The following LDB1 variants were observed in gnomAD, a reference collection of about 807,000 sequenced individuals.
LDB1 encodes LIM domain-binding protein 1.
LDB1 carries 6 observed loss-of-function variants against 49.7 expected under a neutral mutation model. The ratio of observed to expected loss-of-function variants is 0.12; its 90% CI spans 0.07 to 0.24. The LOEUF (loss-of-function observed/expected upper bound fraction) is 0.24. Ranked by LOEUF, LDB1 falls within the 10% of genes least tolerant of loss-of-function variation. LDB1 has a pLI of 1.00. For missense variants in LDB1, 341 were observed against 561.7 expected, an observed-to-expected ratio of 0.61 and a Z score of 3.97; for synonymous variants, 233 against 202.0, an observed-to-expected ratio of 1.15 and a Z score of -1.30.
intron 2 of LDB1, 28 bp downstream of exon 2, chr10:102,111,406 T>A: frequency 6.3e-7 from 1 of 1,598,564 alleles, no homozygotes; most frequent in Non-Finnish European, 8.6e-7. Flanking sequence ...TGGAGAAGGG[T>A]TAGGAAGTGG....
upstream of LDB1, chr10:102,120,501 C>A (rs2133541591): frequency 4.0e-6 from 2 of 498,646 alleles, no homozygotes; most frequent in East Asian, 1.5e-4. Flanking sequence ...CCAAGCCGGG[C>A]AGGGCCGGGC....
Position 102,113,760 on chromosome 10 carries a change from A to T in LDB1, c.26-2224T>A, listed in dbSNP as rs774013159. On this transcript the variant is annotated intron_variant, in intron 1 of 10. Transcript: ENST00000673968. ...CGCCTGGGTTTCTCTCCAATTTTGT[A>T]AAAAAAAAAAAAAAAAAACTCTCAG... 5.5e-3 allele frequency among the ~76,000 whole-genome samples: 408 copies of T among 74,800 alleles called. 3 individuals carry two copies. Among genetic ancestry groups the T allele is most frequent in the Non-Finnish European group, 8.2e-3 (319 of 38,806 alleles). The allele number at this position is 74,800 out of a possible 152,430, so 49.1% of individuals were successfully genotyped here. A position where few individuals can be genotyped will look rare whatever the true frequency, so the allele number is the denominator to read the frequency against.
intron 10 of LDB1, 82 bp downstream of exon 10, chr10:102,108,947 T>C (rs1446958733): frequency 9.5e-6 from 15 of 1,571,884 alleles, no homozygotes; most frequent in Non-Finnish European, 1.2e-5. Context: ...CTTCTACGCC[T>C]GCTAGTGAGC....
intron 1 of LDB1, chr10:102,114,812 G>GGGGCCCCCCCCCCCCCCCC: frequency 1.1e-4 from 100 of 929,776 alleles, no homozygotes; most frequent in South Asian, 1.5e-4. Context: ...CCTCCGAGCA[G>GGGGCCCCCCCCCCCCCCCC]CCCGCCCGCC....
chr10:102,110,440 C>T, intron 6 of LDB1, 89 bp downstream of exon 6: 1 of 1,364,878 alleles, frequency 7.3e-7, no homozygotes, highest in Non-Finnish European at 1.0e-6. Context: ...TTATGCCTCC[C>T]TGGGGAACAG....
At chr10:102,114,674 C>T in intron 1 of LDB1, 1 of 699,628 alleles carries the variant, frequency 1.4e-6, no homozygotes, top group Non-Finnish European at 1.8e-6. Flanking sequence ...GCCTGGGGGG[C>T]GGGGGGCCGC....
downstream of LDB1, among the ~76,000 whole-genome samples, chr10:102,103,158 T>G (rs2068131787): frequency 6.6e-6 from 1 of 151,998 alleles, no homozygotes. Context: ...GCCTCCCGAG[T>G]AGCTGGGACT....
upstream of LDB1, among the ~76,000 whole-genome samples, chr10:102,120,786 T>TGAGCCG (rs543137627): frequency 4.1e-4 from 63 of 152,210 alleles, 1 homozygote; most frequent in South Asian, 0.013. Flanking sequence ...GGAGTCTGGC[T>TGAGCCG]GAGCCGGAGC....
intron 6 of LDB1, 29 bp from the exon 7 acceptor site, chr10:102,110,072 C>T (rs2068228924): frequency 1.2e-6 from 2 of 1,603,804 alleles, no homozygotes; most frequent in South Asian, 2.2e-5. Flanking sequence ...GAACCCTGCC[C>T]CCTCCCCACA....
intron 1 of LDB1, among the ~76,000 whole-genome samples, chr10:102,119,018 T>A (rs919126409): frequency 1.3e-5 from 2 of 152,088 alleles, no homozygotes; most frequent in East Asian, 3.8e-4. Context: ...TTGGCCTGGG[T>A]CACATGATTT....
chr10:102,111,574 G>A, intron 1 of LDB1, 38 bp from the exon 2 acceptor site: 1 of 1,274,674 alleles, frequency 7.8e-7, no homozygotes. Context: ...TGGGCGCGGT[G>A]GCTCACATCT....
intron 1 of LDB1, chr10:102,114,807 G>A (rs1472633193): frequency 3.1e-6 from 3 of 970,746 alleles, no homozygotes; most frequent in East Asian, 1.1e-4. Context: ...CTCTGCCTCC[G>A]AGCAGCCCGC....
Position 102,109,771 on chromosome 10 carries a change from T to A in LDB1, c.649-88A>T. ...TATCATCTGAGCATTGTGACACTCCTGAGAGAGGATAGTCTCTTATTAAAC... is the reference window on the plus strand; with the variant it reads ...TATCATCTGAGCATTGTGACACTCCAGAGAGAGGATAGTCTCTTATTAAAC... On this transcript the variant is annotated intron_variant, in intron 7 of 10. Transcript: ENST00000673968. The surrounding 1 kb of genome is among the most constrained non-coding windows in gnomAD (Gnocchi z 5.8). 1 of 1,543,012 alleles carries A rather than the reference T, an allele frequency of 6.5e-7. No individual in the cohort carries two copies.
chr10:102,111,362 G>A, intron 2 of LDB1, 62 bp from the exon 3 acceptor site: 2 of 1,596,812 alleles, frequency 1.3e-6, no homozygotes, highest in Non-Finnish European at 1.7e-6. Context: ...GGGGCAGGGG[G>A]CTACTCCCTC....
Position 102,110,859 on chromosome 10 carries a change from G to A in LDB1, c.352+10C>T, listed in dbSNP as rs2133509579. On this transcript the variant is annotated intron_variant, in intron 5 of 10. Transcript: ENST00000673968. ...TACACCCTCATAGCAAGACCCCAGAGGCCACTTACTATATCTCTTTGGTCC... is the reference window on the plus strand; with the variant it reads ...TACACCCTCATAGCAAGACCCCAGAAGCCACTTACTATATCTCTTTGGTCC... 6.2e-7 allele frequency: 1 copy of A among 1,611,168 alleles called. No homozygotes were observed. Among genetic ancestry groups the A allele is most frequent in the Non-Finnish European group, 8.5e-7 (1 of 1,177,400 alleles).
intron 1 of LDB1, among the ~76,000 whole-genome samples, chr10:102,113,121 TG>T (rs566875806): frequency 6.6e-6 from 1 of 152,204 alleles, no homozygotes; most frequent in African/African-American, 2.4e-5. Context: ...TTTGTTTCTT[TG>T]GGGGGAAGAG....
intron 3 of LDB1, 49 bp from the exon 4 acceptor site, chr10:102,111,193 C>T (rs773764578): frequency 1.2e-6 from 2 of 1,611,662 alleles, no homozygotes; most frequent in Non-Finnish European, 1.7e-6. Context: ...CCTGCCCCCT[C>T]CACCCCCTAC....
In LDB1 at chr10:102,109,782, A is replaced by G; in HGVS notation, c.649-99T>C. 6.5e-7 allele frequency: 1 copy of G among 1,533,110 alleles called. No individual in the cohort carries two copies. The highest frequency in any genetic ancestry group is 9.0e-7 in the Non-Finnish European group (1 of 1,109,948). 95.0% of individuals were successfully genotyped at this position (1,533,110 alleles called of 1,614,324 possible). On this transcript the variant is annotated intron_variant, in intron 7 of 10. Transcript: ENST00000673968. This position sits in a 1 kb window ranked among gnomAD's most constrained non-coding sequence, Gnocchi z 5.8. ...CATTGTGACACTCCTGAGAGAGGAT[A>G]GTCTCTTATTAAACCTGCTGTTCAG...
At chr10:102,121,049 C>G (rs780901506), upstream of LDB1, among the ~76,000 whole-genome samples, 1 of 152,160 alleles carries the variant, frequency 6.6e-6, no homozygotes, top group African/African-American at 2.4e-5. Flanking sequence ...TCCTCCTTTG[C>G]CTGCGAAACC....
Sources: gnomAD v4.1 joint callset for allele counts (sites outside exome capture counted in the v4.1 genomes callset) on GRCh38, gnomAD v4.1.1 for gene constraint, Gnocchi (gnomAD v3.1) non-coding constraint, MANE v1.5 for transcripts, NCBI Gene and HGNC (gene_info 2026-07-23, HGNC 2026-07-21) for gene names.